Variants in UEVLD observed in about 807,000 individuals in gnomAD.
UEVLD encodes ubiquitin-conjugating enzyme E2 variant 3.
UEVLD carries 47 observed loss-of-function variants against 58.6 expected under a neutral mutation model. The ratio of observed to expected loss-of-function variants is 0.80; its 90% confidence interval spans 0.63 to 1.02. UEVLD has a LOEUF of 1.02. UEVLD is among the 50% of genes least tolerant of loss of function. UEVLD has a pLI of 0.00. For missense variants in UEVLD, 510 were observed against 550.6 expected (o/e 0.93, Z 0.74); for synonymous variants, 197 against 195.3 (o/e 1.01, Z -0.07).
chr11:18,532,490 G>A lies in UEVLD; in HGVS notation c.1249-3C>T. 6.3e-7 allele frequency: 1 copy of A among 1,584,992 alleles called. No homozygotes were observed. Reference sequence around the variant, plus strand: ...TCACTATTTATATCATAATATCCCTGAAATGAGAAAAATAGGGATTTAATA... The same window carrying A: ...TCACTATTTATATCATAATATCCCTAAAATGAGAAAAATAGGGATTTAATA... On this transcript the variant is annotated splice_polypyrimidine_tract_variant and splice_region_variant and intron_variant, in intron 11 of 11. Transcript: ENST00000396197.
chr11:18,571,473 CT>C (rs1852609478), intron 3 of UEVLD, among the ~76,000 whole-genome samples: 1 of 152,174 alleles, frequency 6.6e-6, no homozygotes, highest in Non-Finnish European at 1.5e-5. Flanking sequence ...GGCAAAGCAC[CT>C]GGTGACTCAG....
chr11:18,582,423 T>C (rs1371726473), intron 1 of UEVLD, among the ~76,000 whole-genome samples: 1 of 150,962 alleles, frequency 6.6e-6, no homozygotes, highest in East Asian at 1.9e-4. Context: ...TTTTTTTTTT[T>C]TGGAGACAGG....
chr11:18,570,561 C>A (rs1852549447), intron 3 of UEVLD, 184 bp from the exon 4 acceptor site: 3 of 391,858 alleles, frequency 7.7e-6, no homozygotes, highest in Non-Finnish European at 1.3e-5. Flanking sequence ...GCCTAGGCAA[C>A]ATGGAGGAAC....
Position 18,555,579 on chromosome 11 carries a change from C to T in UEVLD, c.715+2649G>A, listed in dbSNP as rs149728375. Among the ~76,000 whole-genome samples, 107 of 151,976 alleles carry T rather than the reference C, an allele frequency of 7.0e-4. No homozygotes were observed. The East Asian group carries it at 0.016, about 23-fold the overall frequency. The stretch of plus-strand genomic sequence containing the variant: ...CTCCATCCTGGGCAACAGAGTGAGA[C>T]ACTGTCTAAAAAAAATAAACAAATG... On this transcript the variant is annotated intron_variant, in intron 7 of 11. Coordinates refer to ENST00000396197, the MANE Select transcript of UEVLD (RefSeq NM_001040697.4).
At position 18,580,562 on chromosome 11, in the gene UEVLD, A is replaced by G. The variant is rs533110920; in HGVS notation, c.43-1754T>C. Among the ~76,000 whole-genome samples, 145 of 152,072 alleles carry G rather than the reference A, an allele frequency of 9.5e-4. 1 individual carries two copies. The highest frequency in any genetic ancestry group is 9.0e-3 in the Admixed American group (137 of 15,262). On this transcript the variant is annotated intron_variant, in intron 1 of 11. Transcript: ENST00000396197. Reference sequence around the variant, plus strand: ...AATGCTAATATATGCTACAACATGGATGAACCTTAAAAACACTATGCTAAG... The same window carrying G: ...AATGCTAATATATGCTACAACATGGGTGAACCTTAAAAACACTATGCTAAG...
chr11:18,549,075 G>C lies in UEVLD; in HGVS notation c.716-2025C>G, dbSNP rs146130049. ...ACAATACACAATGGAGTATTTTACAGATGAGAAATCTGAGGCACAGAGAAG... is the reference window on the plus strand; with the variant it reads ...ACAATACACAATGGAGTATTTTACACATGAGAAATCTGAGGCACAGAGAAG... On this transcript the variant is annotated intron_variant, in intron 7 of 11. Transcript: ENST00000396197. 1.2e-4 allele frequency among the ~76,000 whole-genome samples: 18 copies of C among 152,336 alleles called. No individual in the cohort carries two copies. The East Asian group carries it at 2.7e-3, about 23-fold the overall frequency.
chr11:18,579,038 T>G (rs1458844384), intron 1 of UEVLD, among the ~76,000 whole-genome samples: 1 of 152,054 alleles, frequency 6.6e-6, no homozygotes. Context: ...TGGCTAATTT[T>G]TTGTATTTTT....
chr11:18,587,675 G>C (rs540829776), intron 1 of UEVLD: 2 of 152,162 alleles, frequency 1.3e-5, no homozygotes, highest in African/African-American at 4.8e-5. Context: ...GGTGGCACGC[G>C]CCTGTAGTCC....
chr11:18,558,259 G>A lies in UEVLD; in HGVS notation c.684C>T (p.Ile228=). The A allele has an allele frequency of 6.2e-7, 1 of 1,612,980 alleles. No individual in the cohort carries two copies. Among genetic ancestry groups the A allele is most frequent in the Non-Finnish European group, 8.5e-7 (1 of 1,179,524 alleles). ...GTKGATMDLE[I]FNLPNVEISK... is the part of the protein sequence containing the mutation. Reference sequence around the variant, plus strand: ...TGATCTCCACATTAGGAAGGTTGAAGATTTCAAGGTCCATCGTGGCTCCTT... The same window carrying A: ...TGATCTCCACATTAGGAAGGTTGAAAATTTCAAGGTCCATCGTGGCTCCTT... The change falls in exon 7 of 12, where the codon ATC becomes ATT. Residue 228 remains isoleucine (I), a synonymous_variant. Transcript: ENST00000396197.
chr11:18,576,395 G>A (rs1048960345), intron 2 of UEVLD, among the ~76,000 whole-genome samples: 4 of 151,828 alleles, frequency 2.6e-5, no homozygotes, highest in Admixed American at 6.6e-5. Flanking sequence ...TCTATCAGCC[G>A]GGTGTGGTGG....
At position 18,546,877 on chromosome 11, in the gene UEVLD, T is replaced by G; in HGVS notation, c.886+3A>C. ...CAACTTAATTTAAAATAAAGCATTT[T>G]ACCTGGTTGAGATGCAACGAGCAGG... is the stretch of plus-strand genomic sequence containing the variant. On this transcript the variant is annotated splice_donor_region_variant and intron_variant, in intron 8 of 11. Transcript: ENST00000396197. 6.2e-7 allele frequency: 1 copy of G among 1,611,604 alleles called. No individual in the cohort carries two copies. Among genetic ancestry groups the G allele is most frequent in the South Asian group, 1.1e-5 (1 of 90,450 alleles).
At chr11:18,544,925 T>C (rs981697552) in intron 8 of UEVLD, 129 bp from the exon 9 acceptor site, 5 of 525,214 alleles carry the variant, frequency 9.5e-6, no homozygotes, top group Non-Finnish European at 1.6e-5. Flanking sequence ...TATGTATATA[T>C]ATACACACAC....
At position 18,578,767 on chromosome 11, in the gene UEVLD, T is replaced by A. The variant is rs745344253; in HGVS notation, c.84A>T (p.Val28=). The A allele has an allele frequency of 5.0e-6, 8 of 1,608,910 alleles. No homozygotes were observed. The highest frequency in any genetic ancestry group is 5.1e-6 in the Non-Finnish European group (6 of 1,177,548). Residue 28 remains valine (V), a synonymous_variant, in exon 2 of 12, where the codon GTA becomes GTT. Transcript: ENST00000396197. ...ATTTGAAATGTGGGAAAAATACATT[T>A]ACATTCCTTAGTTCTTCCACAGTTA... ...RDLTVEELRN[V]NVFFPHFKYS... is the part of the protein sequence containing the mutation.
At chr11:18,587,901 CACCGGAA>C (rs2134087426) in intron 1 of UEVLD, 1 of 152,206 alleles carries the variant, frequency 6.6e-6, no homozygotes, top group South Asian at 2.1e-4. Flanking sequence ...TCAGATTGTA[CACCGGAA>C]ACTCAGGCTA....
intron 4 of UEVLD, among the ~76,000 whole-genome samples, chr11:18,567,874 G>A (rs1852374658): frequency 6.6e-6 from 1 of 152,190 alleles, no homozygotes; most frequent in Non-Finnish European, 1.5e-5. Context: ...TGGGGGCACT[G>A]TGGCTCACAC....
At chr11:18,573,762 G>C (rs1013270737) in intron 3 of UEVLD, among the ~76,000 whole-genome samples, 1 of 152,190 alleles carries the variant, frequency 6.6e-6, no homozygotes, top group East Asian at 1.9e-4. Context: ...TCATGACTGG[G>C]GGTGGGGAGT....
intron 7 of UEVLD, among the ~76,000 whole-genome samples, chr11:18,551,414 C>CTTTATTTATCCATTTTTTGTGTGCTA (rs748654233): frequency 0.11 from 15,599 of 143,774 alleles, 1,117 homozygotes; most frequent in South Asian, 0.23. Flanking sequence ...CCGAGTAAGA[C>CTTTATTTATCCATTTTTTGTGTGCTA]TCCATCACAA....
intron 3 of UEVLD, among the ~76,000 whole-genome samples, chr11:18,571,995 G>A (rs1852643942): frequency 6.6e-6 from 1 of 152,176 alleles, no homozygotes; most frequent in South Asian, 2.1e-4. Flanking sequence ...CCAGCACTTT[G>A]GGAGGCCAAG....
At chr11:18,561,788 C>T (rs1186436830) in intron 6 of UEVLD, among the ~76,000 whole-genome samples, 1 of 150,496 alleles carries the variant, frequency 6.6e-6, no homozygotes, top group East Asian at 2.0e-4. Context: ...GCTGAGATCA[C>T]GCCACTGCAA....
Sources: gnomAD v4.1 joint callset for allele counts (sites outside exome capture counted in the v4.1 genomes callset) on GRCh38, gnomAD v4.1.1 for gene constraint, MANE v1.5 for transcripts, NCBI Gene and HGNC (gene_info 2026-07-23, HGNC 2026-07-21) for gene names.